Variants in ASIC2 observed in about 807,000 individuals in gnomAD.
ASIC2 encodes the protein acid sensing ion channel subunit 2.
ASIC2 carries 25 observed loss-of-function variants against 57.3 expected under a neutral mutation model. That is an observed-to-expected ratio of 0.44 (90% confidence interval 0.32 to 0.61). The LOEUF is 0.61. Among genes scored for constraint, ASIC2 ranks in the 20% least tolerant of loss-of-function variants. The probability of loss-of-function intolerance (pLI) is 0.06; values close to 1 mark genes in which losing one functional copy is unlikely to be tolerated. For missense variants in ASIC2, 641 were observed against 738.1 expected (o/e 0.87, Z 1.52); for synonymous variants, 319 against 307.5 (o/e 1.04, Z -0.39).
At chr17:33,034,099 C>T (rs576886465) in intron 3 of ASIC2, among the ~76,000 whole-genome samples, 23 of 152,184 alleles carry the variant, frequency 1.5e-4, no homozygotes, top group East Asian at 3.9e-4. Flanking sequence ...GCTGAGCACT[C>T]GATGGGGTGA....
At chr17:33,106,341 T>C (rs1167471380) in intron 2 of ASIC2, among the ~76,000 whole-genome samples, 2 of 152,194 alleles carry the variant, frequency 1.3e-5, no homozygotes, top group Non-Finnish European at 2.9e-5. Context: ...ATGTTAACAC[T>C]AATTAACACT....
chr17:33,979,891 A>G (rs1905549845), intron 1 of ASIC2, among the ~76,000 whole-genome samples: 1 of 152,160 alleles, frequency 6.6e-6, no homozygotes, highest in Admixed American at 6.5e-5. Context: ...GGAACTCCAC[A>G]TAGAAGAGTC....
chr17:34,137,309 T>C (rs1428311864), intron 1 of ASIC2, among the ~76,000 whole-genome samples: 2 of 152,208 alleles, frequency 1.3e-5, no homozygotes, highest in Non-Finnish European at 2.9e-5. Flanking sequence ...TCCTCCACAA[T>C]TGAGACTTTA....
At chr17:33,845,824 A>C (rs1467023110) in intron 1 of ASIC2, among the ~76,000 whole-genome samples, 1 of 152,204 alleles carries the variant, frequency 6.6e-6, no homozygotes, top group Non-Finnish European at 1.5e-5. Flanking sequence ...AGAGGTGTTT[A>C]TAAATACCTG....
chr17:33,378,727 G>A (rs955781302), intron 1 of ASIC2, among the ~76,000 whole-genome samples: 1 of 152,226 alleles, frequency 6.6e-6, no homozygotes. Context: ...TAGATGGTGG[G>A]GATTCTTCAT....
At chr17:33,639,670 C>G (rs183305713) in intron 1 of ASIC2, among the ~76,000 whole-genome samples, 1 of 150,026 alleles carries the variant, frequency 6.7e-6, no homozygotes, top group Non-Finnish European at 1.5e-5. Flanking sequence ...AGCCCAAACA[C>G]TAATCAGGAA....
chr17:33,495,142 G>A (rs935048944), intron 1 of ASIC2, among the ~76,000 whole-genome samples: 3 of 152,192 alleles, frequency 2.0e-5, no homozygotes, highest in African/African-American at 7.2e-5. Context: ...CTGCTATCAG[G>A]ATTGTCCAAA....
At chr17:33,578,336 C>T (rs1916708407) in intron 1 of ASIC2, among the ~76,000 whole-genome samples, 1 of 152,184 alleles carries the variant, frequency 6.6e-6, no homozygotes, top group Non-Finnish European at 1.5e-5. Context: ...CTCAAGCTGA[C>T]ATTTCAATTC....
chr17:33,667,936 ACCAGAAAGT>A lies in ASIC2; in HGVS notation c.555+488033_555+488041del, dbSNP rs888487926. 1.2e-4 allele frequency among the ~76,000 whole-genome samples: 18 copies of A among 152,218 alleles called. 1 individual carries two copies. Among genetic ancestry groups the A allele is most frequent in the Non-Finnish European group, 2.9e-5 (2 of 68,040 alleles). ...CACAACCTCGTGACCATTATCGGAT[ACCAGAAAGT>A]CCAGGCCTGCTCAAAACAAGTGCAG... On this transcript the variant is annotated intron_variant, in intron 1 of 9. Transcript: ENST00000359872.
rs745324494 is a variant in ASIC2 at position 33,023,947 on chromosome 17, G to A, written c.1263C>T (p.Asn421=). ...GGATCTTCACCATGGAGAGCTCTTT[G>A]TTGTAGCGGGTTAGGTTGCAGGGTG... ...CRTPCNLTRY[N]KELSMVKIPS... Residue 421 remains asparagine (N), a synonymous_variant, in exon 6 of 10, where the codon AAC becomes AAT. Coordinates refer to ENST00000225823, the MANE Select transcript of ASIC2 (RefSeq NM_183377.2). 3.7e-6 allele frequency: 6 copies of A among 1,614,202 alleles called. No homozygotes were observed. The Admixed American group carries it at 8.3e-5, about 22-fold the overall frequency.
chr17:33,240,693 C>G (rs1908468338), intron 1 of ASIC2, among the ~76,000 whole-genome samples: 1 of 152,060 alleles, frequency 6.6e-6, no homozygotes, highest in Non-Finnish European at 1.5e-5. Context: ...CGGGAAGGAG[C>G]TGTAGCATTG....
At chr17:33,985,046 A>C (rs2142006378) in intron 1 of ASIC2, among the ~76,000 whole-genome samples, 1 of 152,312 alleles carries the variant, frequency 6.6e-6, no homozygotes, top group Admixed American at 6.5e-5. Context: ...TGTGAGTGAT[A>C]AACATATGGG....
chr17:33,288,570 G>A (rs955561503), intron 1 of ASIC2, among the ~76,000 whole-genome samples: 3 of 152,160 alleles, frequency 2.0e-5, no homozygotes, highest in Admixed American at 2.0e-4. Flanking sequence ...CAGTGCTTTA[G>A]AGACTACTCT....
At chr17:33,055,077 C>T (rs2091992645) in intron 3 of ASIC2, among the ~76,000 whole-genome samples, 1 of 152,192 alleles carries the variant, frequency 6.6e-6, no homozygotes, top group South Asian at 2.1e-4. Flanking sequence ...TACCCCTTTC[C>T]CAGCACTCCA....
At chr17:33,110,575 G>C (rs1247982829) in intron 2 of ASIC2, among the ~76,000 whole-genome samples, 1 of 152,158 alleles carries the variant, frequency 6.6e-6, no homozygotes, top group Non-Finnish European at 1.5e-5. Context: ...GAGGAGCAGA[G>C]GACTGGCTGT....
intron 1 of ASIC2, chr17:34,038,104 T>A: frequency 6.2e-7 from 1 of 1,613,176 alleles, no homozygotes. Flanking sequence ...GACCAAAATC[T>A]GTAATTTTTA....
intron 1 of ASIC2, among the ~76,000 whole-genome samples, chr17:33,402,473 G>T (rs1240140809): frequency 6.6e-6 from 1 of 151,990 alleles, no homozygotes; most frequent in Admixed American, 6.6e-5. Flanking sequence ...AGTGTGTATT[G>T]TTCCCCTCCT....
At chr17:33,858,037 T>A (rs1021581465) in intron 1 of ASIC2, among the ~76,000 whole-genome samples, 1 of 152,198 alleles carries the variant, frequency 6.6e-6, no homozygotes, top group South Asian at 2.1e-4. Flanking sequence ...CACCTTGCAG[T>A]GAGTTCTTCT....
At chr17:34,051,818 AACACAC>A (rs35015333) in intron 1 of ASIC2, 25 of 147,630 alleles carry the variant, frequency 1.7e-4, no homozygotes, top group East Asian at 1.0e-3. Flanking sequence ...GAATTTTCTG[AACACAC>A]ACACACACAC....
Sources: gnomAD v4.1 joint callset for allele counts (sites outside exome capture counted in the v4.1 genomes callset) on GRCh38, gnomAD v4.1.1 for gene constraint, MANE v1.5 for transcripts, NCBI Gene and HGNC (gene_info 2026-07-23, HGNC 2026-07-21) for gene names.